Variants in STRIP2 observed in about 807,000 individuals in gnomAD.
STRIP2 encodes the protein striatin-interacting protein 2.
Under a neutral mutation model 107.1 loss-of-function variants are expected in STRIP2, and 84 were observed. The observed-to-expected ratio is 0.78, with a 90% CI of 0.66 to 0.94. The LOEUF is 0.94. Ranked by LOEUF, STRIP2 falls within the 40% of genes least tolerant of loss-of-function variation. The probability of loss-of-function intolerance (pLI) is 0.00; values close to 1 mark genes in which losing one functional copy is unlikely to be tolerated. For synonymous variants in STRIP2, 394 were observed against 400.4 expected, an observed-to-expected ratio of 0.98 and a Z score of 0.19; for missense variants, 888 against 1,034.2, an observed-to-expected ratio of 0.86 and a Z score of 1.94.
chr7:129,463,699 T>G (rs921642719), intron 14 of STRIP2, among the ~76,000 whole-genome samples: 7 of 152,234 alleles, frequency 4.6e-5, no homozygotes, highest in Non-Finnish European at 8.8e-5. Flanking sequence ...TTTACCATGT[T>G]GGCCAGGCTG....
intron 3 of STRIP2, among the ~76,000 whole-genome samples, chr7:129,449,135 A>T (rs1362996555): frequency 6.6e-6 from 1 of 152,214 alleles, no homozygotes; most frequent in Admixed American, 6.5e-5. Flanking sequence ...AAGCTGCAAC[A>T]TTGAACGCAG....
At chr7:129,459,371 C>G (rs1371806146) in intron 11 of STRIP2, 146 bp from the exon 12 acceptor site, 3 of 680,958 alleles carry the variant, frequency 4.4e-6, no homozygotes, top group Non-Finnish European at 8.1e-6. Context: ...TGATGTGGGA[C>G]CTACGAGCTT....
In STRIP2 at chr7:129,460,310, A is replaced by C; in HGVS notation, c.1414A>C (p.Ile472Leu). The change falls in exon 13 of 21, where the codon ATC becomes CTC. Residue 472 changes from isoleucine to leucine, a missense_variant. Coordinates refer to ENST00000249344, the MANE Select transcript of STRIP2 (RefSeq NM_020704.3). ...TTCTTATCTTTGTCAGCACAAGTAT[A>C]TCTCCATCGCAGATGTGCAGATCAA... ...SVKTLKQHKY[I>L]SIADVQIKNE... 6.2e-7 allele frequency: 1 copy of C among 1,613,930 alleles called. No individual in the cohort carries two copies. The highest frequency in any genetic ancestry group is 8.5e-7 in the Non-Finnish European group (1 of 1,179,898).
chr7:129,448,414 G>A (rs1302101849), intron 3 of STRIP2, among the ~76,000 whole-genome samples: 1 of 152,170 alleles, frequency 6.6e-6, no homozygotes, highest in Non-Finnish European at 1.5e-5. Flanking sequence ...TAAATTGTTG[G>A]TAATGTAGTG....
chr7:129,478,259 T>C (rs185466522), intron 18 of STRIP2, among the ~76,000 whole-genome samples: 88 of 152,264 alleles, frequency 5.8e-4, no homozygotes, highest in African/African-American at 2.0e-3. Context: ...CCTATAATCC[T>C]AGCACTTTGG....
At chr7:129,472,159 A>C (rs574696107) in intron 18 of STRIP2, among the ~76,000 whole-genome samples, 2 of 152,340 alleles carry the variant, frequency 1.3e-5, no homozygotes, top group East Asian at 3.9e-4. Flanking sequence ...TGGAATGAAG[A>C]ATACATTTTC....
intron 18 of STRIP2, among the ~76,000 whole-genome samples, chr7:129,476,386 G>A (rs1474120764): frequency 2.0e-5 from 3 of 146,912 alleles, no homozygotes; most frequent in South Asian, 4.3e-4. Context: ...CAGACGGGGC[G>A]GCTGCCGGGC....
chr7:129,455,692 G>C (rs1798327652), intron 8 of STRIP2, among the ~76,000 whole-genome samples: 2 of 152,266 alleles, frequency 1.3e-5, no homozygotes, highest in East Asian at 1.9e-4. Flanking sequence ...TGCTGATACT[G>C]AGAAACTTTG....
At position 129,483,035 on chromosome 7, in the gene STRIP2, C is replaced by T; in HGVS notation, c.2243C>T (p.Ala748Val). The T allele has an allele frequency of 1.2e-6, 2 of 1,614,186 alleles. No individual in the cohort carries two copies. Among genetic ancestry groups the T allele is most frequent in the South Asian group, 1.1e-5 (1 of 91,078 alleles). Residue 748 changes from alanine to valine, a missense_variant, in exon 20 of 21, where the codon GCT becomes GTT. Ala to Val is a moderately conservative substitution (Grantham distance 64). Coordinates refer to ENST00000249344, the MANE Select transcript of STRIP2 (RefSeq NM_020704.3). The surrounding 1 kb of genome is among the most constrained non-coding windows in gnomAD (Gnocchi z 5.1). ...CGTCACCGCATGAACGATGACTGGGCTTACGGGAATGGTGAGTCTTCCCAA... is the reference window on the plus strand; with the variant it reads ...CGTCACCGCATGAACGATGACTGGGTTTACGGGAATGGTGAGTCTTCCCAA... ...KVRHRMNDDW[A>V]YGNDIDARPW...
intron 18 of STRIP2, among the ~76,000 whole-genome samples, chr7:129,475,494 C>T (rs1052622564): frequency 2.0e-5 from 3 of 147,782 alleles, no homozygotes; most frequent in Non-Finnish European, 3.0e-5. Flanking sequence ...TGGGGCCTTC[C>T]GCAGTGTTTG....
At chr7:129,472,583 C>G (rs1005811727) in intron 18 of STRIP2, among the ~76,000 whole-genome samples, 1 of 152,064 alleles carries the variant, frequency 6.6e-6, no homozygotes, top group African/African-American at 2.4e-5. Context: ...TGAGCCCAGT[C>G]ATGGGCTGCA....
At position 129,485,454 on chromosome 7, in the gene STRIP2, A is replaced by AT. The variant is rs1193640339; in HGVS notation, c.2255-125_2255-124insT. The AT allele has an allele frequency of 5.1e-3, 4,181 of 821,176 alleles. 7 individuals carry two copies. Among genetic ancestry groups the AT allele is most frequent in the Non-Finnish European group, 6.3e-3 (3,715 of 587,070 alleles). 50.9% of individuals were successfully genotyped at this position (821,176 alleles called of 1,614,324 possible). A position where few individuals can be genotyped will look rare whatever the true frequency, so the allele number is the denominator to read the frequency against. Reference sequence around the variant, plus strand: ...ATACTAACTTCATACATTGCTCTTTACAAAAAAAAAAAAAAAAAGAATTTC... The same window carrying AT: ...ATACTAACTTCATACATTGCTCTTTATCAAAAAAAAAAAAAAAAAGAATTTC... On this transcript the variant is annotated intron_variant, in intron 20 of 20. Transcript: ENST00000249344.
intron 18 of STRIP2, among the ~76,000 whole-genome samples, chr7:129,476,322 G>A (rs1427301987): frequency 7.0e-6 from 1 of 142,820 alleles, no homozygotes; most frequent in Non-Finnish European, 1.5e-5. Flanking sequence ...CGGGCGGAGG[G>A]GCTCCTCACT....
In STRIP2 at chr7:129,464,680, G is replaced by T; in HGVS notation, c.1718G>T (p.Ser573Ile). The change falls in exon 16 of 21, where the codon AGT (serine) becomes ATT (isoleucine). Residue 573 changes from serine to isoleucine, a missense_variant. Physicochemically the swap from Ser to Ile is moderately radical, Grantham distance 142. Coordinates refer to ENST00000249344, the MANE Select transcript of STRIP2 (RefSeq NM_020704.3). ...AGGCACAAGGAGATTATTGTAAAGA[G>T]TATCTCTACCCTGCTTCTGCTACTC... ...VNRHKEIIVK[S>I]ISTLLLLLLK... is the part of the protein sequence containing the mutation. 6.2e-7 allele frequency: 1 copy of T among 1,614,040 alleles called. No individual in the cohort carries two copies. The highest frequency in any genetic ancestry group is 1.7e-5 in the Admixed American group (1 of 60,020).
At chr7:129,485,115 A>G (rs1418269378) in intron 20 of STRIP2, among the ~76,000 whole-genome samples, 1 of 152,128 alleles carries the variant, frequency 6.6e-6, no homozygotes, top group Non-Finnish European at 1.5e-5. Context: ...GCCCCTTCCT[A>G]TTCCTTGAAA....
chr7:129,483,223 A>G lies in STRIP2; in HGVS notation c.2254+177A>G, dbSNP rs772067102. On this transcript the variant is annotated intron_variant, in intron 20 of 20. Transcript: ENST00000249344. The surrounding 1 kb of genome is among the most constrained non-coding windows in gnomAD (Gnocchi z 5.1). ...TTAAGGTTATGCCTCAAATTCTAGT[A>G]TGTACCCTTGTCCTATGTAAACTAT... 2.8e-6 allele frequency: 4 copies of G among 1,417,432 alleles called. No individual in the cohort carries two copies. Among genetic ancestry groups the G allele is most frequent in the Non-Finnish European group, 3.7e-6 (4 of 1,088,206 alleles). 87.8% of individuals were successfully genotyped at this position (1,417,432 alleles called of 1,614,324 possible).
chr7:129,457,791 A>C (rs1798406901), intron 9 of STRIP2, among the ~76,000 whole-genome samples: 1 of 152,220 alleles, frequency 6.6e-6, no homozygotes, highest in South Asian at 2.1e-4. Flanking sequence ...ACAAGATTTA[A>C]AATTCCAAAC....
Position 129,482,995 on chromosome 7 carries a change from A to G in STRIP2, c.2203A>G (p.Ile735Val), listed in dbSNP as rs762969190. ...AAGCAACATGAAAACCATGTCAGCC[A>G]TTTACCAGAAAGTGCGTCACCGCAT... ...RKSNMKTMSA[I>V]YQKVRHRMND... The change falls in exon 20 of 21, where the codon ATT becomes GTT. Residue 735 changes from isoleucine (I) to valine (V), a missense_variant. Physicochemically the swap from Ile to Val is conservative, Grantham distance 29. Coordinates refer to ENST00000249344, the MANE Select transcript of STRIP2 (RefSeq NM_020704.3). 3.7e-6 allele frequency: 6 copies of G among 1,614,210 alleles called. No individual in the cohort carries two copies. Among genetic ancestry groups the G allele is most frequent in the Non-Finnish European group, 4.2e-6 (5 of 1,180,046 alleles).
At chr7:129,481,920 C>A (rs1300288673) in intron 19 of STRIP2, among the ~76,000 whole-genome samples, 6 of 151,974 alleles carry the variant, frequency 3.9e-5, no homozygotes, top group Admixed American at 3.9e-4. Flanking sequence ...GTAATTCCAG[C>A]ACTTCGGAAG....
Sources: allele counts gnomAD v4.1 joint callset (sites outside exome capture counted in the v4.1 genomes callset), GRCh38; gene constraint gnomAD v4.1.1; non-coding constraint Gnocchi (gnomAD v3.1); transcripts MANE v1.5; gene names NCBI Gene and HGNC (gene_info 2026-07-23, HGNC 2026-07-21).